Variants in GAREM1 observed in about 807,000 individuals in gnomAD.
GAREM1 encodes GRB2 associated regulator of MAPK1 subtype 1, also known as GRB2-associated and regulator of MAPK protein 1.
In GAREM1, 26 loss-of-function variants were observed where a neutral mutation model predicts 71.3. The observed-to-expected ratio is 0.36, with a 90% CI of 0.27 to 0.51. GAREM1 has a LOEUF of 0.51. Ranked by LOEUF, GAREM1 falls within the 20% of genes least tolerant of loss-of-function variation. The pLI, the probability that GAREM1 is intolerant of heterozygous loss-of-function variation, is 0.95. For missense variants in GAREM1, 1,026 were observed against 1,103.1 expected (o/e 0.93, Z 0.99); for synonymous variants, 440 against 433.2 (o/e 1.02, Z -0.20).
At chr18:32,468,960 T>TCCCCCCCCCCCCC (rs34977174) in intron 1 of GAREM1, among the ~76,000 whole-genome samples, 210 of 82,190 alleles carry the variant, frequency 2.6e-3, no homozygotes, top group African/African-American at 3.3e-3. Context: ...CACCTGTGCG[T>TCCCCCCCCCCCCC]CCCCCCCCCC....
intron 1 of GAREM1, among the ~76,000 whole-genome samples, chr18:32,408,430 C>T (rs889248864): frequency 1.7e-4 from 26 of 152,036 alleles, no homozygotes; most frequent in Admixed American, 1.4e-3. Context: ...TCAAGTATCC[C>T]TAATGCAGAG....
At chr18:32,270,943 G>A (rs1051323918) in intron 4 of GAREM1, among the ~76,000 whole-genome samples, 10 of 126,388 alleles carry the variant, frequency 7.9e-5, no homozygotes, top group Non-Finnish European at 1.4e-4. Context: ...ACTCTGTCGC[G>A]CAGGTTGGAA....
Position 32,288,811 on chromosome 18 carries a change from C to T in GAREM1, c.394-608G>A, listed in dbSNP as rs1433889320. Reference sequence around the variant, plus strand: ...AGATACAAATAGATACATATATACACAATTCTGTTACCTGAGTTTCTAACT... The same window carrying T: ...AGATACAAATAGATACATATATACATAATTCTGTTACCTGAGTTTCTAACT... On this transcript the variant is annotated intron_variant, in intron 3 of 5. Transcript: ENST00000269209. Among the ~76,000 whole-genome samples, 9 of 152,228 alleles carry T rather than the reference C, an allele frequency of 5.9e-5. No individual in the cohort carries two copies. The East Asian group carries it at 1.7e-3, about 29-fold the overall frequency.
intron 2 of GAREM1, among the ~76,000 whole-genome samples, chr18:32,382,747 T>C (rs2048109357): frequency 6.6e-6 from 1 of 152,108 alleles, no homozygotes; most frequent in African/African-American, 2.4e-5. Flanking sequence ...ACAGTCACTG[T>C]AGGCTGGAAA....
Position 32,310,270 on chromosome 18 carries a change from A to T in GAREM1, c.316T>A (p.Phe106Ile). ...DRDIKEPVQY[F>I]NSVEEVAKAF... Reference sequence around the variant, plus strand: ...TTAGCCACCTCCTCCACACTGTTGAAATATTGCACTGGCTCCTTTATATCT... The same window carrying T: ...TTAGCCACCTCCTCCACACTGTTGATATATTGCACTGGCTCCTTTATATCT... The change falls in exon 3 of 6, where the codon TTC becomes ATC. Residue 106 changes from phenylalanine (F) to isoleucine (I), a missense_variant. Physicochemically the swap from Phe to Ile is conservative, Grantham distance 21. This residue lies in a region of GAREM1 where 172 missense variants were observed against 175.2 expected (regional missense o/e 0.98). Transcript: ENST00000269209. The T allele has an allele frequency of 6.2e-7, 1 of 1,614,174 alleles. No homozygotes were observed. Among genetic ancestry groups the T allele is most frequent in the Non-Finnish European group, 8.5e-7 (1 of 1,180,016 alleles).
chr18:32,457,226 A>AGTGTGAGT (rs1555648711), intron 1 of GAREM1, among the ~76,000 whole-genome samples: 4 of 81,926 alleles, frequency 4.9e-5, no homozygotes, highest in African/African-American at 1.7e-4. Context: ...AGAGAGAGAG[A>AGTGTGAGT]GTGTGTGTGT....
intron 4 of GAREM1, among the ~76,000 whole-genome samples, chr18:32,285,534 C>T (rs1273058959): frequency 2.6e-5 from 4 of 152,212 alleles, no homozygotes; most frequent in East Asian, 1.9e-4. Flanking sequence ...CTGCTCTGTC[C>T]GGAATGTCCT....
At chr18:32,315,233 T>C (rs55861080) in intron 2 of GAREM1, among the ~76,000 whole-genome samples, 10,055 of 151,894 alleles carry the variant, frequency 0.066, 383 homozygotes, top group African/African-American at 0.094. Flanking sequence ...CATTATACTA[T>C]AGACTATCTA....
intron 3 of GAREM1, among the ~76,000 whole-genome samples, chr18:32,300,831 G>T (rs1032912530): frequency 6.7e-6 from 1 of 149,854 alleles, no homozygotes; most frequent in Admixed American, 6.7e-5. Context: ...GCTTGAACCC[G>T]AGAGGCAGAG....
chr18:32,464,227 G>C (rs921452042), intron 1 of GAREM1, among the ~76,000 whole-genome samples: 4 of 152,002 alleles, frequency 2.6e-5, no homozygotes, highest in Non-Finnish European at 4.4e-5. Context: ...GGAGACAGGA[G>C]TTACAGTTAG....
chr18:32,366,384 T>C (rs934349623), intron 2 of GAREM1, among the ~76,000 whole-genome samples: 3 of 152,292 alleles, frequency 2.0e-5, no homozygotes, highest in East Asian at 1.9e-4. Flanking sequence ...GGGCTTCGCA[T>C]AGAAGAGTCC....
At chr18:32,324,317 C>T (rs992160670) in intron 2 of GAREM1, among the ~76,000 whole-genome samples, 1 of 152,148 alleles carries the variant, frequency 6.6e-6, no homozygotes, top group African/African-American at 2.4e-5. Flanking sequence ...TAACATTCCA[C>T]CATTATTTCT....
At chr18:32,395,198 A>G (rs2048239351) in intron 1 of GAREM1, among the ~76,000 whole-genome samples, 1 of 152,176 alleles carries the variant, frequency 6.6e-6, no homozygotes, top group South Asian at 2.1e-4. Flanking sequence ...TTCCAATGCC[A>G]CAATGTCTCT....
At chr18:32,367,753 T>C (rs2047940295) in intron 2 of GAREM1, among the ~76,000 whole-genome samples, 1 of 152,120 alleles carries the variant, frequency 6.6e-6, no homozygotes, top group Non-Finnish European at 1.5e-5. Context: ...CGAACCATGA[T>C]GACCATACAA....
intron 2 of GAREM1, 58 bp downstream of exon 2, chr18:32,392,837 T>C (rs1033899373): frequency 1.3e-6 from 2 of 1,560,444 alleles, no homozygotes; most frequent in Admixed American, 1.7e-5. Context: ...AGGAAAAGTT[T>C]AGCTATTCAC....
chr18:32,414,703 C>T (rs927682491), intron 1 of GAREM1, among the ~76,000 whole-genome samples: 3 of 151,744 alleles, frequency 2.0e-5, no homozygotes, highest in Admixed American at 6.6e-5. Flanking sequence ...CTAAAACCTA[C>T]GGGATACAGC....
chr18:32,430,090 G>C (rs1412192327), intron 1 of GAREM1, among the ~76,000 whole-genome samples: 2 of 152,160 alleles, frequency 1.3e-5, no homozygotes, highest in Non-Finnish European at 2.9e-5. Flanking sequence ...TGGGATCAAA[G>C]CGAGGGGTGG....
chr18:32,437,619 G>T (rs534861786), intron 1 of GAREM1, among the ~76,000 whole-genome samples: 147 of 152,110 alleles, frequency 9.7e-4, no homozygotes, highest in Non-Finnish European at 1.5e-3. Context: ...CCTGAAACAG[G>T]GAGCCAAGCT....
chr18:32,384,856 TTTG>T (rs2048130477), intron 2 of GAREM1, among the ~76,000 whole-genome samples: 3 of 152,322 alleles, frequency 2.0e-5, no homozygotes, highest in Admixed American at 1.3e-4. Flanking sequence ...TCTCTTCATC[TTTG>T]TTTTGAGTTA....
Sources: gnomAD v4.1 joint callset for allele counts (sites outside exome capture counted in the v4.1 genomes callset) on GRCh38, gnomAD v4.1.1 for gene constraint, gnomAD v4.1.1 regional missense constraint, MANE v1.5 for transcripts, NCBI Gene and HGNC (gene_info 2026-07-23, HGNC 2026-07-21) for gene names.